The following BSN variants were observed in gnomAD, a reference collection of about 807,000 sequenced individuals.
BSN encodes protein bassoon.
BSN carries 57 observed loss-of-function variants against 264.8 expected under a neutral mutation model. The ratio of observed to expected loss-of-function variants is 0.22; its 90% confidence interval spans 0.17 to 0.27. The LOEUF (loss-of-function observed/expected upper bound fraction) is 0.27, where lower values mean the gene tolerates loss of function less well. Among genes scored for constraint, BSN ranks in the 10% least tolerant of loss-of-function variants. BSN has a pLI of 1.00. For synonymous variants in BSN, 2,059 were observed against 2,137.3 expected, an observed-to-expected ratio of 0.96 and a Z score of 1.01; for missense variants, 4,615 against 5,232.5, an observed-to-expected ratio of 0.88 and a Z score of 3.64.
chr3:49,667,011 G>C (rs1045733231), intron 11 of BSN, among the ~76,000 whole-genome samples: 7 of 152,206 alleles, frequency 4.6e-5, no homozygotes, highest in Admixed American at 3.3e-4. Context: ...CCATGGCCTG[G>C]ATTCATGACA....
chr3:49,667,062 C>T (rs893252478), intron 11 of BSN, among the ~76,000 whole-genome samples: 2 of 152,140 alleles, frequency 1.3e-5, no homozygotes, highest in Non-Finnish European at 2.9e-5. Flanking sequence ...GGCTCCTGAG[C>T]AGGGAAAGGA....
chr3:49,565,144 C>CTTTTTTTTTTTTTTT (rs971015437), intron 1 of BSN, among the ~76,000 whole-genome samples: 1 of 104,580 alleles, frequency 9.6e-6, no homozygotes, highest in Admixed American at 1.0e-4. Flanking sequence ...AGAGGATTTT[C>CTTTTTTTTTTTTTTT]TTTTTTTTTT....
At chr3:49,624,423 C>T (rs1158430816) in intron 1 of BSN, among the ~76,000 whole-genome samples, 3 of 151,786 alleles carry the variant, frequency 2.0e-5, no homozygotes, top group Non-Finnish European at 4.4e-5. Flanking sequence ...CTCAGCCTCC[C>T]ATGTAGCTGG....
rs1243480617 is a variant in BSN, at chr3:49,670,785, C to T, written c.*3300C>T. 6.6e-6 allele frequency: 1 copy of T among 152,300 alleles called. No homozygotes were observed. Among genetic ancestry groups the T allele is most frequent in the Non-Finnish European group, 1.5e-5 (1 of 68,060 alleles). 9.4% of individuals were successfully genotyped at this position (152,300 alleles called of 1,614,324 possible). On this transcript the variant is annotated 3_prime_UTR_variant, in exon 12 of 12. Transcript: ENST00000296452. ...CACAGTGACAGCCCTCCCCTACAAT[C>T]CTTGGGCAGAGCATGTGGTCTGAGG...
chr3:49,565,879 C>T (rs774658598), intron 1 of BSN, among the ~76,000 whole-genome samples: 3 of 151,972 alleles, frequency 2.0e-5, no homozygotes, highest in Non-Finnish European at 2.9e-5. Flanking sequence ...TAGAGTGCAG[C>T]GGCGCCATCT....
At chr3:49,602,702 C>A (rs2052081666) in intron 1 of BSN, among the ~76,000 whole-genome samples, 1 of 152,238 alleles carries the variant, frequency 6.6e-6, no homozygotes, top group Admixed American at 6.5e-5. Context: ...CGCTTGGCCT[C>A]CCAAAGTGCT....
At chr3:49,615,136 A>G (rs2052249709) in intron 1 of BSN, among the ~76,000 whole-genome samples, 2 of 152,228 alleles carry the variant, frequency 1.3e-5, no homozygotes, top group African/African-American at 4.8e-5. Flanking sequence ...TGCCTTAAAC[A>G]TGTTCTCTTC....
chr3:49,644,485 A>G (rs1291650097), intron 3 of BSN, among the ~76,000 whole-genome samples: 1 of 152,176 alleles, frequency 6.6e-6, no homozygotes, highest in East Asian at 1.9e-4. Flanking sequence ...CCTGAGCAAG[A>G]CAACTGACCT....
intron 2 of BSN, among the ~76,000 whole-genome samples, chr3:49,639,941 T>G (rs1295319360): frequency 6.6e-6 from 1 of 152,234 alleles, no homozygotes; most frequent in Non-Finnish European, 1.5e-5. Flanking sequence ...GCTGCTGCCC[T>G]TGGGTTGCTG....
intron 1 of BSN, among the ~76,000 whole-genome samples, chr3:49,622,134 G>T (rs2052311898): frequency 6.6e-6 from 1 of 152,100 alleles, no homozygotes; most frequent in South Asian, 2.1e-4. Context: ...GAACACTGGG[G>T]GACAGGAGTA....
In BSN at chr3:49,662,039, C is replaced by G; in HGVS notation, c.10194C>G (p.Val3398=). The part of the protein sequence containing the change: ...YPPPAVSSSL[V]SRGRKFQDEI... ...CACCTGCAGTCAGCAGCAGCCTGGT[C>G]TCTCGGGGCAGGAAGTTCCAGGATG... is the stretch of plus-strand genomic sequence containing the variant. Residue 3398 remains valine (V), a synonymous_variant, in exon 6 of 12, where the codon GTC becomes GTG. Transcript: ENST00000296452. 1 of 1,613,862 alleles carries G rather than the reference C, an allele frequency of 6.2e-7. No individual in the cohort carries two copies. Among genetic ancestry groups the G allele is most frequent in the Non-Finnish European group, 8.5e-7 (1 of 1,180,044 alleles).
intron 2 of BSN, among the ~76,000 whole-genome samples, chr3:49,636,276 G>A (rs2052419675): frequency 6.6e-6 from 1 of 152,128 alleles, no homozygotes; most frequent in Non-Finnish European, 1.5e-5. Flanking sequence ...GGCAGCAGAA[G>A]CCAGGAGGGG....
intron 11 of BSN, among the ~76,000 whole-genome samples, chr3:49,666,034 G>T (rs2052711042): frequency 6.6e-6 from 1 of 152,262 alleles, no homozygotes; most frequent in Non-Finnish European, 1.5e-5. Context: ...GCATCATCCT[G>T]GGTGGGAGGA....
intron 1 of BSN, among the ~76,000 whole-genome samples, chr3:49,573,900 G>A (rs1014992836): frequency 2.6e-5 from 4 of 151,794 alleles, no homozygotes; most frequent in East Asian, 1.9e-4. Flanking sequence ...CAGGTGATCC[G>A]CCCGCCTCGG....
rs186094001 is a variant in BSN at position 49,606,238 on chromosome 3, T to A, written c.225-18737T>A. On this transcript the variant is annotated intron_variant, in intron 1 of 11. Transcript: ENST00000296452. ...ATATATTATATATACATATATTATA[T>A]ATGTATATATTATATATAAAATATA... Among the ~76,000 whole-genome samples, 60 of 10,316 alleles carry A rather than the reference T, an allele frequency of 5.8e-3. 1 individual carries two copies. Among genetic ancestry groups the A allele is most frequent in the African/African-American group, 0.021 (56 of 2,654 alleles). 6.8% of individuals were successfully genotyped at this position (10,316 alleles called of 152,430 possible).
At chr3:49,599,500 G>A (rs1363646429) in intron 1 of BSN, among the ~76,000 whole-genome samples, 1 of 152,272 alleles carries the variant, frequency 6.6e-6, no homozygotes, top group South Asian at 2.1e-4. Flanking sequence ...CCTGCTGGGG[G>A]TAGAGCATCT....
rs866157583 is a variant in BSN, at chr3:49,666,700, G to C, written c.*105-890G>C. 3.9e-5 allele frequency among the ~76,000 whole-genome samples: 6 copies of C among 152,196 alleles called. 1 individual carries two copies. In the South Asian group the frequency reaches 1.2e-3, roughly 32 times the overall value. On this transcript the variant is annotated intron_variant, in intron 11 of 11. Transcript: ENST00000296452. Reference sequence around the variant, plus strand: ...AGCACTGACGGATGATCGGATGCTGGGATGGGACCAGGGACAGGGCAAAGG... The same window carrying C: ...AGCACTGACGGATGATCGGATGCTGCGATGGGACCAGGGACAGGGCAAAGG...
intron 6 of BSN, 101 bp downstream of exon 6, chr3:49,662,663 T>C (rs2052670813): frequency 7.6e-7 from 1 of 1,308,152 alleles, no homozygotes; most frequent in Non-Finnish European, 9.9e-7. Context: ...GGGTCTGGTC[T>C]GGCGCCTCAT....
rs750838450 is a variant in BSN at position 49,662,343 on chromosome 3, C to G, written c.10498C>G (p.Gln3500Glu). The G allele has an allele frequency of 1.6e-5, 26 of 1,613,458 alleles. No individual in the cohort carries two copies. The highest frequency in any genetic ancestry group is 2.0e-5 in the Non-Finnish European group (24 of 1,179,784). The change falls in exon 6 of 12, where the codon CAG becomes GAG. Residue 3500 changes from glutamine (Q) to glutamate (E), a missense_variant. Coordinates refer to ENST00000296452, the MANE Select transcript of BSN (RefSeq NM_003458.4). ...HSRVRPPMRS[Q>E]ASEEESPVSP... ...CCGGGTACGACCCCCCATGCGGAGC[C>G]AGGCCTCTGAAGAGGAGAGCCCCGT... is the stretch of plus-strand genomic sequence containing the variant.
Sources: allele counts gnomAD v4.1 joint callset (sites outside exome capture counted in the v4.1 genomes callset), GRCh38; gene constraint gnomAD v4.1.1; transcripts MANE v1.5; gene names NCBI Gene and HGNC (gene_info 2026-07-23, HGNC 2026-07-21).